The following SDK2 variants were observed in gnomAD, a reference collection of about 807,000 sequenced individuals.
SDK2 encodes protein sidekick-2.
SDK2 carries 105 observed loss-of-function variants against 253.9 expected under a neutral mutation model. That is an observed-to-expected ratio of 0.41 (90% CI 0.35 to 0.49). The LOEUF is 0.49. Among genes scored for constraint, SDK2 ranks in the 20% least tolerant of loss-of-function variants. SDK2 has a pLI of 0.06. For synonymous variants in SDK2, 1,249 were observed against 1,234.9 expected (o/e 1.01, Z -0.24); for missense variants, 2,608 against 3,003.0 (o/e 0.87, Z 3.07).
At chr17:73,426,253 G>A (rs1393351073) in intron 12 of SDK2, among the ~76,000 whole-genome samples, 2 of 76,864 alleles carry the variant, frequency 2.6e-5, no homozygotes, top group Admixed American at 3.1e-4. Context: ...TTTTAGTAGA[G>A]ACGGGGCTTT....
chr17:73,546,038 G>T (rs1277348580), intron 1 of SDK2, among the ~76,000 whole-genome samples: 2 of 152,154 alleles, frequency 1.3e-5, no homozygotes, highest in Admixed American at 1.3e-4. Flanking sequence ...ATGGGACTGG[G>T]GAGGGGCTGG....
intron 16 of SDK2, among the ~76,000 whole-genome samples, chr17:73,418,047 G>C (rs1036193127): frequency 7.8e-6 from 1 of 127,610 alleles, no homozygotes; most frequent in South Asian, 2.5e-4. Flanking sequence ...ATGGAGTCTC[G>C]CCCAGGCTGG....
intron 1 of SDK2, among the ~76,000 whole-genome samples, chr17:73,584,126 C>A (rs1445732886): frequency 6.6e-6 from 1 of 152,218 alleles, no homozygotes; most frequent in Admixed American, 6.5e-5. Context: ...CCAGTGGGCA[C>A]CCAGGCAGGC....
chr17:73,401,547 G>T, intron 20 of SDK2, 107 bp downstream of exon 20: 1 of 1,041,822 alleles, frequency 9.6e-7, no homozygotes, highest in Non-Finnish European at 1.5e-6. Flanking sequence ...AGCATGGGTT[G>T]GCTTCAAGAG....
At chr17:73,412,018 ACG>A (rs1263776096) in intron 18 of SDK2, among the ~76,000 whole-genome samples, 3,042 of 55,722 alleles carry the variant, frequency 0.055, 164 homozygotes, top group African/African-American at 0.18. Context: ...ATGTAGATAT[ACG>A]TATATGTATA....
intron 43 of SDK2, among the ~76,000 whole-genome samples, chr17:73,349,776 A>G (rs1318356916): frequency 6.6e-6 from 1 of 152,198 alleles, no homozygotes; most frequent in African/African-American, 2.4e-5. Context: ...ACAGGAGGGC[A>G]TAGCGATAAT....
chr17:73,360,712 C>A (rs1175470315), intron 39 of SDK2, among the ~76,000 whole-genome samples: 1 of 149,112 alleles, frequency 6.7e-6, no homozygotes, highest in Non-Finnish European at 1.5e-5. Context: ...TGGGAGACTG[C>A]AGCAGGTGGA....
intron 1 of SDK2, among the ~76,000 whole-genome samples, chr17:73,594,492 A>G (rs55926990): frequency 0.021 from 3,172 of 151,194 alleles, 45 homozygotes; most frequent in Middle Eastern, 0.072. Flanking sequence ...AGGGAGGGGG[A>G]GAGAGAGAGA....
intron 1 of SDK2, among the ~76,000 whole-genome samples, chr17:73,596,311 C>T (rs895812117): frequency 6.6e-6 from 1 of 152,096 alleles, no homozygotes; most frequent in Non-Finnish European, 1.5e-5. Flanking sequence ...GTCAACACAC[C>T]TGGGTCCCCA....
chr17:73,475,975 G>T (rs954231718), intron 2 of SDK2, among the ~76,000 whole-genome samples: 4 of 152,186 alleles, frequency 2.6e-5, no homozygotes, highest in African/African-American at 9.7e-5. Flanking sequence ...AGCCAGGTGT[G>T]GTGGCACACG....
chr17:73,405,439 CA>C (rs1230810012), intron 18 of SDK2, among the ~76,000 whole-genome samples: 41 of 18,364 alleles, frequency 2.2e-3, no homozygotes, highest in African/African-American at 2.8e-3. Context: ...AACTCCTTCT[CA>C]AAAAAAAAAA....
rs539451902 is a variant in SDK2 at position 73,596,720 on chromosome 17, C to T, written c.64+47305G>A. On this transcript the variant is annotated intron_variant, in intron 1 of 44. Coordinates refer to ENST00000392650, the MANE Select transcript of SDK2 (RefSeq NM_001144952.2). ...ACAGGACAGGGTGGCTGGTTCCAGC[C>T]TCCCCGACCCTCCCAGCTCCACTCT... 3.3e-5 allele frequency among the ~76,000 whole-genome samples: 5 copies of T among 152,294 alleles called. No individual in the cohort carries two copies. The South Asian group carries it at 8.3e-4, about 25-fold the overall frequency.
In SDK2 at chr17:73,527,632, C is replaced by T. The variant is rs147306023; in HGVS notation, c.65-20035G>A. Among the ~76,000 whole-genome samples the T allele has an allele frequency of 4.1e-4, 63 of 152,290 alleles. No homozygotes were observed. In the East Asian group the frequency reaches 0.01, roughly 24 times the overall value. ...CTCTATCCTAATGCCGATAAGAAGGCCCTGAAGTGACATTGCCAGCCTGGC... is the reference window on the plus strand; with the variant it reads ...CTCTATCCTAATGCCGATAAGAAGGTCCTGAAGTGACATTGCCAGCCTGGC... On this transcript the variant is annotated intron_variant, in intron 1 of 44. Coordinates refer to ENST00000392650, the MANE Select transcript of SDK2 (RefSeq NM_001144952.2).
chr17:73,575,450 A>G (rs531371411), intron 1 of SDK2, among the ~76,000 whole-genome samples: 1 of 152,362 alleles, frequency 6.6e-6, no homozygotes, highest in Admixed American at 6.5e-5. Context: ...GAGGCTGTGA[A>G]AAGTGGCATA....
intron 16 of SDK2, among the ~76,000 whole-genome samples, 161 bp from the exon 17 acceptor site, chr17:73,416,153 G>A (rs1039093005): frequency 2.6e-5 from 4 of 151,524 alleles, no homozygotes; most frequent in Non-Finnish European, 5.9e-5. Context: ...ACATGCAGCT[G>A]CTGAGCACTT....
chr17:73,428,324 A>G (rs1436420199), intron 12 of SDK2, among the ~76,000 whole-genome samples: 1 of 152,104 alleles, frequency 6.6e-6, no homozygotes. Flanking sequence ...TCGGCCTCTC[A>G]AAGTGCTGGG....
rs184124603 is a variant in SDK2 at position 73,434,172 on chromosome 17, G to A, written c.1196-324C>T. Among the ~76,000 whole-genome samples the A allele has an allele frequency of 8.7e-4, 132 of 152,370 alleles. 1 individual carries two copies. Among genetic ancestry groups the A allele is most frequent in the Middle Eastern group, 3.4e-3 (1 of 294 alleles). On this transcript the variant is annotated intron_variant, in intron 9 of 44. Transcript: ENST00000392650. Reference sequence around the variant, plus strand: ...AGGCAGCTCCCATCCTCCCTGACAAGGTTGTTGGGGTTTACAAGCCAAAAG... The same window carrying A: ...AGGCAGCTCCCATCCTCCCTGACAAAGTTGTTGGGGTTTACAAGCCAAAAG...
chr17:73,477,828 C>T (rs2063696743), intron 2 of SDK2, among the ~76,000 whole-genome samples: 1 of 152,110 alleles, frequency 6.6e-6, no homozygotes, highest in Non-Finnish European at 1.5e-5. Flanking sequence ...GAACCTGGCT[C>T]CTCCAGGGAT....
intron 1 of SDK2, among the ~76,000 whole-genome samples, chr17:73,514,820 T>A (rs1479259615): frequency 6.6e-6 from 1 of 152,222 alleles, no homozygotes; most frequent in African/African-American, 2.4e-5. Flanking sequence ...TCTCCCACCA[T>A]CTCCTAGTCT....
Sources: allele counts gnomAD v4.1 joint callset (sites outside exome capture counted in the v4.1 genomes callset), GRCh38; gene constraint gnomAD v4.1.1; transcripts MANE v1.5; gene names NCBI Gene and HGNC (gene_info 2026-07-23, HGNC 2026-07-21).